Variants in PTER observed in about 807,000 individuals in gnomAD.
PTER encodes N-acetyltaurine hydrolase.
Under a neutral mutation model 29.6 loss-of-function variants are expected in PTER, and 38 were observed. That is an observed-to-expected ratio of 1.28 (90% CI 0.99 to 1.68). The LOEUF (loss-of-function observed/expected upper bound fraction) is 1.68. Ranked by LOEUF, PTER falls within the 40% of genes most tolerant of loss-of-function variation. PTER has a pLI of 0.00. For missense variants in PTER, 482 were observed against 427.8 expected (o/e 1.13, Z -1.12); for synonymous variants, 172 against 154.5 (o/e 1.11, Z -0.84).
At chr10:16,497,490 AAC>A (rs763228087) in intron 3 of PTER, among the ~76,000 whole-genome samples, 165 of 152,342 alleles carry the variant, frequency 1.1e-3, no homozygotes, top group South Asian at 1.9e-3. Flanking sequence ...CTATATTCCT[AAC>A]ACAGAGAATA....
At chr10:16,442,618 T>G (rs912082266) in intron 1 of PTER, among the ~76,000 whole-genome samples, 3 of 151,878 alleles carry the variant, frequency 2.0e-5, no homozygotes, top group African/African-American at 7.3e-5. Flanking sequence ...AATAAGTAAA[T>G]AAGAATTAGG....
rs779170595 is a variant in PTER at position 16,505,067 on chromosome 10, G to A, written c.746G>A (p.Cys249Tyr). 1.2e-6 allele frequency: 2 copies of A among 1,613,956 alleles called. No individual in the cohort carries two copies. Among genetic ancestry groups the A allele is most frequent in the Non-Finnish European group, 8.5e-7 (1 of 1,179,910 alleles). ...KELLEFAQLG[C>Y]YLEYDLFGTE... ...CTCTTGGAGTTTGCTCAACTTGGCT[G>A]CTACTTGGAATATGATCTCTTTGGT... Residue 249 changes from cysteine (C) to tyrosine (Y), a missense_variant, in exon 4 of 5, where the codon TGC becomes TAC. Cys to Tyr is a radical substitution (Grantham distance 194). Coordinates refer to ENST00000535784, the MANE Select transcript of PTER (RefSeq NM_001261836.2).
chr10:16,483,263 C>A (rs1159802591), intron 1 of PTER, among the ~76,000 whole-genome samples: 1 of 152,150 alleles, frequency 6.6e-6, no homozygotes, highest in African/African-American at 2.4e-5. Context: ...ATTTCAGTTT[C>A]AATAAATCAC....
intron 3 of PTER, among the ~76,000 whole-genome samples, chr10:16,495,168 C>CTT (rs3047217): frequency 0.074 from 9,775 of 131,904 alleles, 507 homozygotes; most frequent in East Asian, 0.14. Context: ...TTTGGAATTA[C>CTT]TTTTTTTTTT....
intron 1 of PTER, among the ~76,000 whole-genome samples, chr10:16,443,160 GAAGTCCCAGATC>G (rs1185700258): frequency 6.6e-6 from 1 of 152,154 alleles, no homozygotes; most frequent in Non-Finnish European, 1.5e-5. Flanking sequence ...CTGGCAGCTG[GAAGTCCCAGATC>G]AAGGTGTCAG....
intron 3 of PTER, 112 bp from the exon 4 acceptor site, chr10:16,504,908 T>C: frequency 8.1e-7 from 1 of 1,236,252 alleles, no homozygotes; most frequent in Non-Finnish European, 1.1e-6. Flanking sequence ...TGTCTGTTAC[T>C]CGACTTCAAC....
chr10:16,467,581 G>A (rs1329949866), intron 1 of PTER, among the ~76,000 whole-genome samples: 7 of 152,218 alleles, frequency 4.6e-5, no homozygotes, highest in African/African-American at 1.2e-4. Context: ...GGAGGTTGAG[G>A]TGGGTGGATC....
chr10:16,473,518 C>CGAA (rs1835133038), intron 1 of PTER, among the ~76,000 whole-genome samples: 1 of 61,864 alleles, frequency 1.6e-5, no homozygotes, highest in African/African-American at 5.5e-5. Context: ...AGACTCCATC[C>CGAA]GAAAAAAAAA....
downstream of PTER, among the ~76,000 whole-genome samples, chr10:16,517,078 G>A (rs1836963187): frequency 6.6e-6 from 1 of 152,180 alleles, no homozygotes; most frequent in South Asian, 2.1e-4. Context: ...AACTATTGAG[G>A]AAGGCAATGT....
At chr10:16,509,922 G>GTTT (rs200639631) in intron 4 of PTER, among the ~76,000 whole-genome samples, 5 of 151,806 alleles carry the variant, frequency 3.3e-5, no homozygotes, top group African/African-American at 1.2e-4. Context: ...TTGTGCTTGA[G>GTTT]TTTTTTTTGT....
At chr10:16,472,171 A>G (rs899307287) in intron 1 of PTER, among the ~76,000 whole-genome samples, 27 of 152,322 alleles carry the variant, frequency 1.8e-4, no homozygotes, top group African/African-American at 6.0e-4. Context: ...GTGAAGCTGG[A>G]TATCTATAAA....
chr10:16,515,726 G>A (rs1282719250), downstream of PTER, among the ~76,000 whole-genome samples: 1 of 152,110 alleles, frequency 6.6e-6, no homozygotes, highest in Non-Finnish European at 1.5e-5. Context: ...TTGTGATTCT[G>A]CCTTGGAAAA....
chr10:16,516,751 T>C (rs1481515700), downstream of PTER, among the ~76,000 whole-genome samples: 1 of 152,238 alleles, frequency 6.6e-6, no homozygotes, highest in African/African-American at 2.4e-5. Context: ...GTCACCATTT[T>C]TATTCAGTAG....
intron 1 of PTER, among the ~76,000 whole-genome samples, chr10:16,449,434 T>C (rs1411054288): frequency 2.1e-5 from 3 of 144,234 alleles, no homozygotes; most frequent in Non-Finnish European, 4.6e-5. Flanking sequence ...TTTTCTTTTT[T>C]TTTTTTTTTT....
chr10:16,440,976 T>C (rs1207696521), intron 1 of PTER, among the ~76,000 whole-genome samples: 3 of 152,212 alleles, frequency 2.0e-5, no homozygotes, highest in Non-Finnish European at 4.4e-5. Context: ...GAAAGAGGCT[T>C]GTCCTATGAA....
chr10:16,452,761 T>C (rs1834261779), intron 1 of PTER, among the ~76,000 whole-genome samples: 1 of 151,790 alleles, frequency 6.6e-6, no homozygotes, highest in East Asian at 1.9e-4. Context: ...ATTATTATTG[T>C]TATTATTTTG....
At position 16,484,813 on chromosome 10, in the gene PTER, G is replaced by A. The variant is rs976145698; in HGVS notation, c.429G>A (p.Glu143=). ...CAGAGACCAGGGCCATGTCAGTGGA[G>A]CAGGTAAAAAGCCTAAGTTCTTTGA... The part of the protein sequence containing the change: ...HSSETRAMSV[E]QLTDVLMNEI... Residue 143 remains glutamate, a synonymous_variant, in exon 2 of 5, where the codon GAG becomes GAA. Coordinates refer to ENST00000535784, the MANE Select transcript of PTER (RefSeq NM_001261836.2). 3.1e-6 allele frequency: 5 copies of A among 1,591,022 alleles called. No individual in the cohort carries two copies. The highest frequency in any genetic ancestry group is 4.3e-6 in the Non-Finnish European group (5 of 1,172,144).
intron 3 of PTER, among the ~76,000 whole-genome samples, chr10:16,497,832 A>G (rs1836171021): frequency 6.6e-6 from 1 of 152,152 alleles, no homozygotes; most frequent in African/African-American, 2.4e-5. Flanking sequence ...AAATAGAATC[A>G]CCTGTCTTGC....
chr10:16,486,488 C>T lies in PTER; in HGVS notation c.569C>T (p.Ala190Val), dbSNP rs1446645796. The change falls in exon 3 of 5, where the codon GCC becomes GTC. Residue 190 changes from alanine to valine, a missense_variant. Transcript: ENST00000535784. Reference protein sequence around the residue: ...ERKVLQATAHAQAQLGCPVII... With the variant: ...ERKVLQATAHVQAQLGCPVII... ...AAGGTTCTCCAGGCCACAGCTCATG[C>T]CCAGGCTCAGCTTGGTTGTCCTGTT... is the stretch of plus-strand genomic sequence containing the variant. The T allele has an allele frequency of 6.2e-7, 1 of 1,614,064 alleles. No homozygotes were observed. Among genetic ancestry groups the T allele is most frequent in the Non-Finnish European group, 8.5e-7 (1 of 1,179,974 alleles).
Sources: gnomAD v4.1 joint callset for allele counts (sites outside exome capture counted in the v4.1 genomes callset) on GRCh38, gnomAD v4.1.1 for gene constraint, MANE v1.5 for transcripts, NCBI Gene and HGNC (gene_info 2026-07-23, HGNC 2026-07-21) for gene names.